The following NOD2 variants were observed in gnomAD, a reference collection of about 807,000 sequenced individuals.
NOD2 encodes the protein nucleotide-binding oligomerization domain-containing protein 2.
In NOD2, 86 loss-of-function variants were observed where a neutral mutation model predicts 90.9. That is an observed-to-expected ratio of 0.95 (90% CI 0.79 to 1.13). The LOEUF is 1.13. Ranked by LOEUF, NOD2 falls within the 50% of genes most tolerant of loss-of-function variation. NOD2 has a pLI of 0.00. For synonymous variants in NOD2, 581 were observed against 554.6 expected, an observed-to-expected ratio of 1.05 and a Z score of -0.67; for missense variants, 1,238 against 1,283.8, an observed-to-expected ratio of 0.96 and a Z score of 0.55.
At chr16:50,709,290 A>C (rs1964350560) in intron 3 of NOD2, among the ~76,000 whole-genome samples, 1 of 152,176 alleles carries the variant, frequency 6.6e-6, no homozygotes, top group African/African-American at 2.4e-5. Flanking sequence ...GCAGATAGTC[A>C]TCAGTGAGCT....
Position 50,710,662 on chromosome 16 carries a change from A to G in NOD2, c.670A>G (p.Ile224Val), listed in dbSNP as rs758462936. The change falls in exon 4 of 12, where the codon ATA (isoleucine) becomes GTA (valine). Residue 224 changes from isoleucine to valine, a missense_variant. Ile to Val is a conservative substitution (Grantham distance 29). Around this residue, in one of 3 missense-constraint regions of NOD2, gnomAD observed 567 missense variants for 577.3 expected, o/e 0.98. Coordinates refer to ENST00000647318, the MANE Select transcript of NOD2 (RefSeq NM_001370466.1). ...AGCAGAGACGCTCTGCCTGGAGGAC[A>G]TATACACAGAGAATGTCCTGGAGGT... Reference protein sequence around the residue: ...DGAETLCLEDIYTENVLEVWA... With the variant: ...DGAETLCLEDVYTENVLEVWA... 45 of 1,614,078 alleles carry G rather than the reference A, an allele frequency of 2.8e-5. No individual in the cohort carries two copies. Among genetic ancestry groups the G allele is most frequent in the Non-Finnish European group, 3.4e-5 (40 of 1,180,036 alleles).
chr16:50,697,551 C>T, intron 1 of NOD2: 1 of 611,112 alleles, frequency 1.6e-6, no homozygotes, highest in East Asian at 2.9e-5. Flanking sequence ...CACTCCAGGG[C>T]CAAGCCCAGA....
chr16:50,731,697 T>C (rs2150846271), intron 11 of NOD2, 50 bp from the exon 12 acceptor site: 1 of 1,272,612 alleles, frequency 7.9e-7, no homozygotes. Flanking sequence ...TTGAAAGCCC[T>C]GCTCTAATTT....
rs104895451 is a variant in NOD2, at chr16:50,722,646, C to A, written c.2658C>A (p.Asp886Glu). The stretch of plus-strand genomic sequence containing the variant: ...GATTCTGGGGCAACAGAGTGGGTGA[C>A]GAGGGGGCCCAGGCCCTGGCTGAAG... ...FLGFWGNRVG[D>E]EGAQALAEAL... The change falls in exon 8 of 12, where the codon GAC becomes GAA. Residue 886 changes from aspartate to glutamate, a missense_variant. Transcript: ENST00000647318. 1 of 1,614,170 alleles carries A rather than the reference C, an allele frequency of 6.2e-7. No homozygotes were observed. The highest frequency in any genetic ancestry group is 2.2e-5 in the East Asian group (1 of 44,888).
chr16:50,726,337 C>G (rs1965263694), intron 10 of NOD2, among the ~76,000 whole-genome samples: 1 of 152,178 alleles, frequency 6.6e-6, no homozygotes, highest in Non-Finnish European at 1.5e-5. Context: ...AAATGTGGTC[C>G]TAGGAAAACG....
At chr16:50,705,187 T>G (rs1964128806) in intron 2 of NOD2, among the ~76,000 whole-genome samples, 1 of 152,204 alleles carries the variant, frequency 6.6e-6, no homozygotes, top group Admixed American at 6.5e-5. Flanking sequence ...TGATTTTAAT[T>G]TGCAAGGGGT....
chr16:50,705,903 T>C (rs1432441635), intron 2 of NOD2, among the ~76,000 whole-genome samples: 1 of 152,100 alleles, frequency 6.6e-6, no homozygotes, highest in African/African-American at 2.4e-5. Context: ...ATACACACAC[T>C]CCAGTCAGGG....
At chr16:50,724,876 A>T (rs1333878807) in intron 9 of NOD2, among the ~76,000 whole-genome samples, 1 of 152,192 alleles carries the variant, frequency 6.6e-6, no homozygotes, top group African/African-American at 2.4e-5. Context: ...AGTGGCTACA[A>T]GAGGCCAGGA....
At position 50,711,318 on chromosome 16, in the gene NOD2, C is replaced by T. The variant is rs1345814403; in HGVS notation, c.1326C>T (p.Leu442=). 2.5e-6 allele frequency: 4 copies of T among 1,613,600 alleles called. No individual in the cohort carries two copies. The highest frequency in any genetic ancestry group is 1.3e-5 in the African/African-American group (1 of 74,954). Residue 442 remains leucine, a synonymous_variant, in exon 4 of 12, where the codon CTC becomes CTT. Coordinates refer to ENST00000647318, the MANE Select transcript of NOD2 (RefSeq NM_001370466.1). ...ATGAGCCCGGGGTGGCGGACCGCCTCATCCGCCTGCTCCAAGAGACCTCAG... is the reference window on the plus strand; with the variant it reads ...ATGAGCCCGGGGTGGCGGACCGCCTTATCCGCCTGCTCCAAGAGACCTCAG... ...RHHEPGVADR[L]IRLLQETSAL...
At position 50,710,787 on chromosome 16, in the gene NOD2, G is replaced by A. The variant is rs1471936590; in HGVS notation, c.795G>A (p.Ala265=). 1.3e-5 allele frequency: 21 copies of A among 1,613,976 alleles called. No individual in the cohort carries two copies. The highest frequency in any genetic ancestry group is 2.7e-5 in the African/African-American group (2 of 74,930). ...FSTPGHLNDD[A]DTVLVVGEAG... ...CCCCTGGCCACCTCAATGACGATGC[G>A]GACACTGTGCTGGTGGTGGGTGAGG... Residue 265 remains alanine, a synonymous_variant, in exon 4 of 12, where the codon GCG becomes GCA. Coordinates refer to ENST00000647318, the MANE Select transcript of NOD2 (RefSeq NM_001370466.1).
Position 50,710,977 on chromosome 16 carries a change from C to G in NOD2, c.985C>G (p.Pro329Ala). The G allele has an allele frequency of 6.2e-7, 1 of 1,614,214 alleles. No homozygotes were observed. The highest frequency in any genetic ancestry group is 8.5e-7 in the Non-Finnish European group (1 of 1,180,036). Residue 329 changes from proline to alanine, a missense_variant, in exon 4 of 12, where the codon CCT (proline) becomes GCT (alanine). Pro to Ala is a conservative substitution (Grantham distance 27, BLOSUM62 -1). Coordinates refer to ENST00000647318, the MANE Select transcript of NOD2 (RefSeq NM_001370466.1). The part of the protein sequence containing the change: ...RTLLFEHCCW[P>A]DVGQEDIFQL... ...TCTACTCTTTGAGCACTGCTGTTGG[C>G]CTGATGTTGGTCAAGAAGACATCTT...
chr16:50,704,960 A>G (rs975663836), intron 2 of NOD2, among the ~76,000 whole-genome samples: 7 of 152,172 alleles, frequency 4.6e-5, no homozygotes, highest in Admixed American at 2.0e-4. Context: ...AAACTTCTCT[A>G]TGTTTTGGGA....
Position 50,699,878 on chromosome 16 carries a change from T to A in NOD2, c.383T>A (p.Leu128Gln), listed in dbSNP as rs148753593. 116 of 1,613,270 alleles carry A rather than the reference T, an allele frequency of 7.2e-5. No homozygotes were observed. The African/African-American group carries it at 1.3e-3, about 18-fold the overall frequency. ...AGCCATGTGGAGAACATGCTGGACC[T>A]GGCATGGGAGCGGGGTTTCGTCAGC... Reference protein sequence around the residue: ...LHSHVENMLDLAWERGFVSQY... With the variant: ...LHSHVENMLDQAWERGFVSQY... Residue 128 changes from leucine (L) to glutamine (Q), a missense_variant, in exon 2 of 12, where the codon CTG becomes CAG. By Grantham distance (113) the Leu-to-Gln change is moderately radical. This residue lies in a region of NOD2 where 567 missense variants were observed against 577.3 expected (regional missense o/e 0.98). Coordinates refer to ENST00000647318, the MANE Select transcript of NOD2 (RefSeq NM_001370466.1).
intron 6 of NOD2, among the ~76,000 whole-genome samples, chr16:50,718,607 C>T (rs1389426780): frequency 6.6e-6 from 1 of 152,228 alleles, no homozygotes; most frequent in African/African-American, 2.4e-5. Context: ...TGGAGCCAGA[C>T]TGCCCGAGGT....
chr16:50,711,168 C>T lies in NOD2; in HGVS notation c.1176C>T (p.Ala392=), dbSNP rs1567391438. 3.1e-6 allele frequency: 5 copies of T among 1,614,160 alleles called. No individual in the cohort carries two copies. The highest frequency in any genetic ancestry group is 4.2e-6 in the Non-Finnish European group (5 of 1,180,034). The change falls in exon 4 of 12, where the codon GCC becomes GCT. Residue 392 remains alanine, a synonymous_variant. Transcript: ENST00000647318. ...TGCAGGGCAACCTGCTGAAGAATGC[C>T]CGCAAGGTGGTGACCAGCCGTCCGG... The part of the protein sequence containing the change: ...NLLQGNLLKN[A]RKVVTSRPAA...
intron 2 of NOD2, among the ~76,000 whole-genome samples, chr16:50,700,893 G>C (rs1194082694): frequency 6.6e-6 from 1 of 152,274 alleles, no homozygotes; most frequent in Non-Finnish European, 1.5e-5. Context: ...TTCAGAGTTG[G>C]TATATAACAG....
intron 10 of NOD2, chr16:50,727,771 G>T (rs1309906035): frequency 5.9e-6 from 2 of 341,654 alleles, no homozygotes; most frequent in East Asian, 7.8e-5. Context: ...CCGGCTGCAG[G>T]TGTTGCAGTT....
intron 7 of NOD2, 29 bp from the exon 8 acceptor site, chr16:50,722,593 C>T: frequency 1.2e-6 from 2 of 1,603,002 alleles, no homozygotes; most frequent in Non-Finnish European, 1.7e-6. Flanking sequence ...CTCACTGACA[C>T]TGTCTGTTGA....
chr16:50,712,094 G>T lies in NOD2; in HGVS notation c.2102G>T (p.Gly701Val), dbSNP rs1330101550. Residue 701 changes from glycine to valine, a missense_variant, in exon 4 of 12, where the codon GGT becomes GTT. Gly to Val is a moderately radical substitution (Grantham distance 109). Around this residue, in one of 3 missense-constraint regions of NOD2, gnomAD observed 667 missense variants for 688.7 expected, o/e 0.97. Coordinates refer to ENST00000647318, the MANE Select transcript of NOD2 (RefSeq NM_001370466.1). Reference sequence around the variant, plus strand: ...CACTCCATCCCGCCAGCTGCACCGGGTGAGGCCAAGAGCGTGCATGCCATG... The same window carrying T: ...CACTCCATCCCGCCAGCTGCACCGGTTGAGGCCAAGAGCGTGCATGCCATG... ...HFHSIPPAAP[G>V]EAKSVHAMPG... 1.2e-6 allele frequency: 2 copies of T among 1,613,894 alleles called. No homozygotes were observed. Among genetic ancestry groups the T allele is most frequent in the Admixed American group, 3.3e-5 (2 of 60,032 alleles).
Sources: allele counts gnomAD v4.1 joint callset (sites outside exome capture counted in the v4.1 genomes callset), GRCh38; gene constraint gnomAD v4.1.1; regional missense constraint gnomAD v4.1.1; transcripts MANE v1.5; gene names NCBI Gene and HGNC (gene_info 2026-07-23, HGNC 2026-07-21).